Variants in CPNE8 observed in about 807,000 individuals in gnomAD.
The protein encoded by CPNE8 is copine 8.
In CPNE8, 45 loss-of-function variants were observed where a neutral mutation model predicts 81.5. That is an observed-to-expected ratio of 0.55 (90% CI 0.44 to 0.71). CPNE8 has a LOEUF of 0.71. Among genes scored for constraint, CPNE8 ranks in the 30% least tolerant of loss-of-function variants. The pLI, the probability that CPNE8 is intolerant of heterozygous loss-of-function variation, is 0.00. For missense variants in CPNE8, 594 were observed against 672.1 expected (o/e 0.88, Z 1.28); for synonymous variants, 252 against 226.3 (o/e 1.11, Z -1.02).
intron 4 of CPNE8, among the ~76,000 whole-genome samples, chr12:38,841,731 G>T (rs1163508404): frequency 1.3e-5 from 2 of 152,136 alleles, no homozygotes; most frequent in East Asian, 1.9e-4. Context: ...ACCAAAACTG[G>T]CAATACATAC....
intron 6 of CPNE8, among the ~76,000 whole-genome samples, chr12:38,801,123 C>T (rs1368702503): frequency 1.4e-4 from 12 of 87,038 alleles, no homozygotes; most frequent in African/African-American, 5.2e-4. Flanking sequence ...TCTAGCAAGG[C>T]AGGCCAACGT....
rs533229858 is a variant in CPNE8, at chr12:38,734,424, A to T, written c.723-4066T>A. ...TATGATTTTCCATGAAAATGTCCCC[A>T]TGTAATTACAACAAAGGTATGGAAA... On this transcript the variant is annotated intron_variant, in intron 10 of 19. Coordinates refer to ENST00000331366, the MANE Select transcript of CPNE8 (RefSeq NM_153634.3). Among the ~76,000 whole-genome samples, 3 of 152,216 alleles carry T rather than the reference A, an allele frequency of 2.0e-5. No homozygotes were observed. The East Asian group carries it at 5.8e-4, about 29-fold the overall frequency.
rs1941718721 is a variant in CPNE8 at position 38,767,708 on chromosome 12, T to C, written c.502A>G (p.Lys168Glu). The stretch of plus-strand genomic sequence containing the variant: ...CCAAAGAAGTCCTTCTTGTCCAATT[T>C]GTTCGCACAAAATTGCATCAAAACG... ...DAVLMQFCAN[K>E]LDKKDFFGKS... Residue 168 changes from lysine (K) to glutamate (E), a missense_variant, in exon 8 of 20, where the codon AAA (lysine) becomes GAA (glutamate). Lys to Glu is a moderately conservative substitution (Grantham distance 56). Coordinates refer to ENST00000331366, the MANE Select transcript of CPNE8 (RefSeq NM_153634.3). 3 of 1,557,418 alleles carry C rather than the reference T, an allele frequency of 1.9e-6. No individual in the cohort carries two copies. Among genetic ancestry groups the C allele is most frequent in the Admixed American group, 4.0e-5 (2 of 49,528 alleles).
intron 11 of CPNE8, among the ~76,000 whole-genome samples, chr12:38,725,261 A>G (rs1438986164): frequency 1.3e-5 from 2 of 152,208 alleles, no homozygotes; most frequent in African/African-American, 4.8e-5. Flanking sequence ...CATAACTTTA[A>G]AAATTAAATA....
chr12:38,720,282 A>G (rs10783330), intron 13 of CPNE8, among the ~76,000 whole-genome samples: 59,746 of 152,098 alleles, frequency 0.39, 12,175 homozygotes, highest in Middle Eastern at 0.47. Flanking sequence ...TAAGACTGTC[A>G]TTGCTTCAGG....
In CPNE8 at chr12:38,902,241, GAAAGAAAGAAAGAAA is replaced by G. The variant is rs1167249592; in HGVS notation, c.98+3181_98+3195del. On this transcript the variant is annotated intron_variant, in intron 1 of 19. Coordinates refer to ENST00000331366, the MANE Select transcript of CPNE8 (RefSeq NM_153634.3). ...AGAGAAAGAGAAAGAAGGAAAGAAA[GAAAGAAAGAAAGAAA>G]AAAGAAAGAAAGAAAAAGAAAAGAA... Among the ~76,000 whole-genome samples, 7 of 91,814 alleles carry G rather than the reference GAAAGAAAGAAAGAAA, an allele frequency of 7.6e-5. 1 individual carries two copies. Among genetic ancestry groups the G allele is most frequent in the Non-Finnish European group, 2.0e-5 (1 of 49,698 alleles). The allele number at this position is 91,814 out of a possible 152,430, so 60.2% of individuals were successfully genotyped here. A position where few individuals can be genotyped will look rare whatever the true frequency, so the allele number is the denominator to read the frequency against.
intron 3 of CPNE8, among the ~76,000 whole-genome samples, chr12:38,865,758 G>T (rs1264736128): frequency 1.3e-5 from 2 of 152,094 alleles, no homozygotes; most frequent in East Asian, 3.8e-4. Flanking sequence ...TGATAAAAAG[G>T]TATATTAAAA....
At position 38,755,359 on chromosome 12, in the gene CPNE8, C is replaced by T. The variant is rs1030622951; in HGVS notation, c.722+5488G>A. Among the ~76,000 whole-genome samples, 4 of 152,178 alleles carry T rather than the reference C, an allele frequency of 2.6e-5. No individual in the cohort carries two copies. In the East Asian group the frequency reaches 7.8e-4, roughly 30 times the overall value. ...GGTAGGCAGGAATCTACTTGGTGGC[C>T]CATTTACAATCAGTCCCACATCACA... On this transcript the variant is annotated intron_variant, in intron 10 of 19. Transcript: ENST00000331366.
intron 1 of CPNE8, among the ~76,000 whole-genome samples, chr12:38,902,938 T>C (rs939476133): frequency 2.0e-5 from 3 of 152,114 alleles, no homozygotes; most frequent in African/African-American, 7.2e-5. Context: ...TTTTTGGAGA[T>C]GAGAATGCTT....
chr12:38,767,328 T>C (rs1307045408), intron 8 of CPNE8, among the ~76,000 whole-genome samples: 1 of 152,114 alleles, frequency 6.6e-6, no homozygotes, highest in Non-Finnish European at 1.5e-5. Flanking sequence ...ACAAAATATA[T>C]TTGTTTCAGC....
chr12:38,856,711 G>C (rs917512325), intron 3 of CPNE8, among the ~76,000 whole-genome samples: 2 of 151,412 alleles, frequency 1.3e-5, no homozygotes, highest in African/African-American at 4.9e-5. Flanking sequence ...ATACAAATAG[G>C]CTGGACATTG....
At chr12:38,895,118 T>C (rs1944372646) in intron 1 of CPNE8, among the ~76,000 whole-genome samples, 1 of 152,230 alleles carries the variant, frequency 6.6e-6, no homozygotes, top group South Asian at 2.1e-4. Context: ...AGCATGAAGC[T>C]AATTAGCAAG....
At chr12:38,734,042 A>G (rs974652045) in intron 10 of CPNE8, among the ~76,000 whole-genome samples, 6 of 151,958 alleles carry the variant, frequency 3.9e-5, no homozygotes, top group African/African-American at 1.4e-4. Context: ...TCAAAAACAT[A>G]AAACAAGCAA....
At chr12:38,661,731 A>T (rs942873939) in intron 19 of CPNE8, among the ~76,000 whole-genome samples, 1 of 152,194 alleles carries the variant, frequency 6.6e-6, no homozygotes, top group African/African-American at 2.4e-5. Flanking sequence ...AATATTCCTG[A>T]TGAACATAGA....
chr12:38,703,452 C>T (rs1484539453), intron 13 of CPNE8, among the ~76,000 whole-genome samples: 1 of 152,106 alleles, frequency 6.6e-6, no homozygotes, highest in Non-Finnish European at 1.5e-5. Context: ...TGAAGGAACA[C>T]TCCACGAAAT....
intron 8 of CPNE8, among the ~76,000 whole-genome samples, chr12:38,762,626 G>A (rs539587110): frequency 3.9e-5 from 6 of 152,098 alleles, no homozygotes; most frequent in Non-Finnish European, 8.8e-5. Flanking sequence ...GAGAAACTGA[G>A]GCACAGTGTG....
intron 10 of CPNE8, among the ~76,000 whole-genome samples, chr12:38,740,148 C>A (rs928277099): frequency 6.6e-6 from 1 of 152,096 alleles, no homozygotes; most frequent in African/African-American, 2.4e-5. Flanking sequence ...GTATTTTATT[C>A]TCTTAGAAGC....
At position 38,756,343 on chromosome 12, in the gene CPNE8, C is replaced by T. The variant is rs530379666; in HGVS notation, c.722+4504G>A. Among the ~76,000 whole-genome samples, 11 of 142,916 alleles carry T rather than the reference C, an allele frequency of 7.7e-5. No homozygotes were observed. In the South Asian group the frequency reaches 2.5e-3, roughly 32 times the overall value. 93.8% of individuals were successfully genotyped at this position (142,916 alleles called of 152,430 possible). Reference sequence around the variant, plus strand: ...AAAATGTGATTGTAAGCAAGTAAAGCATTTTCCACTTTTTTTTTTTTTTTT... The same window carrying T: ...AAAATGTGATTGTAAGCAAGTAAAGTATTTTCCACTTTTTTTTTTTTTTTT... On this transcript the variant is annotated intron_variant, in intron 10 of 19. Transcript: ENST00000331366.
chr12:38,878,976 C>A (rs1408873527), intron 1 of CPNE8, among the ~76,000 whole-genome samples: 1 of 152,136 alleles, frequency 6.6e-6, no homozygotes, highest in Non-Finnish European at 1.5e-5. Context: ...CAAATTGATT[C>A]AGCTACGACA....
Sources: gnomAD v4.1 joint callset for allele counts (sites outside exome capture counted in the v4.1 genomes callset) on GRCh38, gnomAD v4.1.1 for gene constraint, MANE v1.5 for transcripts, NCBI Gene and HGNC (gene_info 2026-07-23, HGNC 2026-07-21) for gene names.